ABCC3: variants seen among roughly 807,000 people sequenced by gnomAD.
ABCC3 encodes ATP-binding cassette sub-family C member 3.
In ABCC3, 121 loss-of-function variants were observed where a neutral mutation model predicts 165.3. The observed-to-expected ratio is 0.73, with a 90% CI of 0.63 to 0.85. ABCC3 has a LOEUF of 0.85. Among genes scored for constraint, ABCC3 ranks in the 40% least tolerant of loss-of-function variants. ABCC3 has a pLI of 0.00. For synonymous variants in ABCC3, 733 were observed against 810.1 expected, an observed-to-expected ratio of 0.90 and a Z score of 1.62; for missense variants, 1,869 against 1,964.1, an observed-to-expected ratio of 0.95 and a Z score of 0.92.
At chr17:50,663,525 A>T in intron 8 of ABCC3, 156 bp from the exon 9 acceptor site, 1 of 780,876 alleles carries the variant, frequency 1.3e-6, no homozygotes, top group Non-Finnish European at 2.0e-6. Flanking sequence ...TTGAGGCAGT[A>T]CTGGGTTGAC....
rs773118008 is a variant in ABCC3 at position 50,677,796 on chromosome 17, G to T, written c.3431G>T (p.Arg1144Leu). The change falls in exon 24 of 31, where the codon CGC (arginine) becomes CTC (leucine). Residue 1144 changes from arginine to leucine, a missense_variant. Arg to Leu is a moderately radical substitution (Grantham distance 102). Coordinates refer to ENST00000285238, the MANE Select transcript of ABCC3 (RefSeq NM_003786.4). ...CTGAAGCGGCTGGAATCAGTCAGCC[G>T]CTCACCTATCTACTCCCACTTTTCG... ...RQLKRLESVSRSPIYSHFSET... is the reference protein window; with the variant it reads ...RQLKRLESVSLSPIYSHFSET... 5.6e-6 allele frequency: 9 copies of T among 1,614,066 alleles called. No homozygotes were observed. Among genetic ancestry groups the T allele is most frequent in the Admixed American group, 1.7e-5 (1 of 60,014 alleles).
At chr17:50,676,656 C>G in intron 23 of ABCC3, 68 bp downstream of exon 23, 1 of 761,308 alleles carries the variant, frequency 1.3e-6, no homozygotes, top group Non-Finnish European at 2.1e-6. Flanking sequence ...TGGGCGGGGG[C>G]AGCAGGGGTG....
intron 27 of ABCC3, 32 bp downstream of exon 27, chr17:50,683,788 G>T: frequency 6.3e-7 from 1 of 1,591,126 alleles, no homozygotes. Flanking sequence ...CTGCGTGTGT[G>T]TTCATGCCTG....
At chr17:50,672,367 A>G (rs185557131) in intron 17 of ABCC3, among the ~76,000 whole-genome samples, 1 of 152,338 alleles carries the variant, frequency 6.6e-6, no homozygotes, top group Non-Finnish European at 1.5e-5. Flanking sequence ...TGTAAGGCTG[A>G]ATGATATTTC....
rs769623999 is a variant in ABCC3, at chr17:50,659,268, G to T, written c.706G>T (p.Glu236Ter). ...CATCTATGGCTACCGGCATCCCCTG[G>T]AGGAGAAGGACCTCTGGTCCCTAAA... ...MAIYGYRHPLEEKDLWSLKEE... is the reference protein window; with the variant it reads ...MAIYGYRHPL The change falls in exon 7 of 31, where the codon GAG becomes TAG. Residue 236 changes from glutamate to a stop codon, truncating the protein, a stop_gained. Transcript: ENST00000285238. LOFTEE classifies it high-confidence loss of function. 16 of 1,613,816 alleles carry T rather than the reference G, an allele frequency of 9.9e-6. No homozygotes were observed. The South Asian group carries it at 1.4e-4, about 14-fold the overall frequency.
chr17:50,653,211 T>C (rs973361725), intron 1 of ABCC3, among the ~76,000 whole-genome samples: 2 of 149,264 alleles, frequency 1.3e-5, no homozygotes, highest in Non-Finnish European at 3.0e-5. Flanking sequence ...TCAGGCATGG[T>C]GGTGGGCGCC....
intron 30 of ABCC3, among the ~76,000 whole-genome samples, chr17:50,689,117 A>T (rs1968073986): frequency 6.6e-6 from 1 of 152,126 alleles, no homozygotes; most frequent in Non-Finnish European, 1.5e-5. Flanking sequence ...CAGGAGAATC[A>T]CTTGAACCCA....
chr17:50,684,159 C>T, intron 28 of ABCC3, 52 bp downstream of exon 28: 2 of 1,591,238 alleles, frequency 1.3e-6, no homozygotes, highest in African/African-American at 1.4e-5. Flanking sequence ...TGGAGGCAGG[C>T]CCCACCTTGT....
At chr17:50,657,269 G>A in intron 4 of ABCC3, 86 bp downstream of exon 4, 1 of 1,523,544 alleles carries the variant, frequency 6.6e-7, no homozygotes, top group Non-Finnish European at 8.9e-7. Flanking sequence ...TGGGTCCCAG[G>A]TCCCTCCCTC....
Position 50,683,980 on chromosome 17 carries a change from A to G in ABCC3, c.3986A>G (p.Lys1329Arg), listed in dbSNP as rs1967974628. 1 of 1,613,274 alleles carries G rather than the reference A, an allele frequency of 6.2e-7. No individual in the cohort carries two copies. The highest frequency in any genetic ancestry group is 1.3e-5 in the African/African-American group (1 of 74,872). Reference sequence around the variant, plus strand: ...ATCGTGGGCCGCACTGGGGCTGGCAAGTCTTCCATGACCCTTTGCCTGTTC... The same window carrying G: ...ATCGTGGGCCGCACTGGGGCTGGCAGGTCTTCCATGACCCTTTGCCTGTTC... ...VGIVGRTGAG[K>R]SSMTLCLFRI... Residue 1329 changes from lysine to arginine, a missense_variant, in exon 28 of 31, where the codon AAG (lysine) becomes AGG (arginine). By Grantham distance (26) the Lys-to-Arg change is conservative. Coordinates refer to ENST00000285238, the MANE Select transcript of ABCC3 (RefSeq NM_003786.4).
chr17:50,670,225 G>A (rs1478547007), intron 17 of ABCC3, among the ~76,000 whole-genome samples: 1 of 152,010 alleles, frequency 6.6e-6, no homozygotes, highest in African/African-American at 2.4e-5. Flanking sequence ...TGGGATTACG[G>A]GTGCGCACCA....
chr17:50,674,422 G>A (rs1215450945), intron 19 of ABCC3: 1 of 152,130 alleles, frequency 6.6e-6, no homozygotes, highest in Admixed American at 6.6e-5. Flanking sequence ...AGCTTGTGTG[G>A]CAAGGCTGCT....
At chr17:50,687,229 AAC>A in intron 29 of ABCC3, 1 of 392,522 alleles carries the variant, frequency 2.5e-6, no homozygotes, top group African/African-American at 2.0e-5. Flanking sequence ...GAAGCAGAGA[AAC>A]ATCACGGCAC....
At chr17:50,640,921 T>G (rs1340021359) in intron 1 of ABCC3, among the ~76,000 whole-genome samples, 1 of 152,238 alleles carries the variant, frequency 6.6e-6, no homozygotes, top group Non-Finnish European at 1.5e-5. Context: ...TGGTCTTGTC[T>G]GTTCATCCCT....
chr17:50,658,393 T>G, intron 5 of ABCC3, 42 bp from the exon 6 acceptor site: 1 of 1,598,198 alleles, frequency 6.3e-7, no homozygotes, highest in Non-Finnish European at 8.6e-7. Flanking sequence ...GAGAGGGTGG[T>G]GGGCACTCCT....
chr17:50,635,053 G>C, intron 1 of ABCC3, 72 bp downstream of exon 1: 1 of 1,241,304 alleles, frequency 8.1e-7, no homozygotes, highest in Non-Finnish European at 1.0e-6. Flanking sequence ...CCCGCCGCCT[G>C]CCTTCCCGCG....
At chr17:50,656,197 T>C (rs936710392) in intron 2 of ABCC3, among the ~76,000 whole-genome samples, 189 bp downstream of exon 2, 18 of 152,238 alleles carry the variant, frequency 1.2e-4, no homozygotes, top group Non-Finnish European at 2.9e-5. Flanking sequence ...GCGATTCTCC[T>C]GCCTCAGCCT....
chr17:50,676,667 G>A, intron 23 of ABCC3, 79 bp downstream of exon 23: 4 of 1,203,914 alleles, frequency 3.3e-6, no homozygotes, highest in Non-Finnish European at 2.3e-6. Flanking sequence ...AGCAGGGGTG[G>A]GACACTTCAG....
rs767240602 is a variant in ABCC3 at position 50,655,886 on chromosome 17, A to G, written c.100A>G (p.Asn34Asp). The stretch of plus-strand genomic sequence containing the variant: ...CCCGGACCTCACTCCCTGCTTCCAG[A>G]ACTCCCTGCTGGCCTGGGTGCCCTG... The part of the protein sequence containing the change: ...ENPDLTPCFQ[N>D]SLLAWVPCIY... The change falls in exon 2 of 31, where the codon AAC (asparagine) becomes GAC (aspartate). Residue 34 changes from asparagine to aspartate, a missense_variant. By Grantham distance (23) the Asn-to-Asp change is conservative (BLOSUM62 1). Coordinates refer to ENST00000285238, the MANE Select transcript of ABCC3 (RefSeq NM_003786.4). 25 of 1,613,756 alleles carry G rather than the reference A, an allele frequency of 1.5e-5. No homozygotes were observed. In the South Asian group the frequency reaches 2.1e-4, roughly 13 times the overall value.
Sources: allele counts gnomAD v4.1 joint callset (sites outside exome capture counted in the v4.1 genomes callset), GRCh38; gene constraint gnomAD v4.1.1; transcripts MANE v1.5; gene names NCBI Gene and HGNC (gene_info 2026-07-23, HGNC 2026-07-21).